MYH15: variants seen among roughly 807,000 people sequenced by gnomAD.
The protein encoded by MYH15 is myosin heavy chain 15, also known as myosin-15.
Under a neutral mutation model 240.5 loss-of-function variants are expected in MYH15, and 227 were observed. That is an observed-to-expected ratio of 0.94 (90% CI 0.85 to 1.05). The LOEUF (loss-of-function observed/expected upper bound fraction) is 1.05. Among genes scored for constraint, MYH15 ranks in the 50% least tolerant of loss-of-function variants. The probability of loss-of-function intolerance (pLI) is 0.00; values close to 1 mark genes in which losing one functional copy is unlikely to be tolerated. For missense variants in MYH15, 2,217 were observed against 2,247.5 expected, an observed-to-expected ratio of 0.99 and a Z score of 0.27; for synonymous variants, 785 against 796.7, an observed-to-expected ratio of 0.99 and a Z score of 0.25.
intron 31 of MYH15, among the ~76,000 whole-genome samples, chr3:108,410,285 C>T (rs2082578545): frequency 6.6e-6 from 1 of 152,036 alleles, no homozygotes. Flanking sequence ...AAACTACACA[C>T]TTGAGTATAG....
intron 2 of MYH15, among the ~76,000 whole-genome samples, chr3:108,505,297 G>T (rs1203180603): frequency 6.6e-6 from 1 of 152,008 alleles, no homozygotes; most frequent in Non-Finnish European, 1.5e-5. Context: ...TTGGTGACAG[G>T]ATCTCACTCT....
chr3:108,465,756 G>T (rs927122042), intron 14 of MYH15, among the ~76,000 whole-genome samples: 6 of 152,028 alleles, frequency 3.9e-5, no homozygotes, highest in African/African-American at 1.4e-4. Flanking sequence ...GTAAAATCCT[G>T]TCTCTAGTAA....
chr3:108,465,382 A>G (rs2083106144), intron 14 of MYH15, among the ~76,000 whole-genome samples: 1 of 152,232 alleles, frequency 6.6e-6, no homozygotes, highest in Non-Finnish European at 1.5e-5. Flanking sequence ...GCTTGACGGA[A>G]CACATTTTAA....
chr3:108,471,644 C>A (rs1422920656), intron 12 of MYH15, among the ~76,000 whole-genome samples: 1 of 152,228 alleles, frequency 6.6e-6, no homozygotes, highest in Non-Finnish European at 1.5e-5. Flanking sequence ...CCTCCTACCC[C>A]CTGTTAGTAA....
chr3:108,438,693 T>C (rs982175934), intron 24 of MYH15, among the ~76,000 whole-genome samples: 2 of 152,186 alleles, frequency 1.3e-5, no homozygotes, highest in African/African-American at 2.4e-5. Flanking sequence ...TCACCCTCCA[T>C]AAACCAGGAA....
At chr3:108,387,262 C>T (rs1385592470) in intron 38 of MYH15, among the ~76,000 whole-genome samples, 2 of 152,202 alleles carry the variant, frequency 1.3e-5, no homozygotes, top group Non-Finnish European at 2.9e-5. Flanking sequence ...ATTGAGATGA[C>T]TCAGCGTTAA....
At chr3:108,427,635 C>CAGAGAGAG (rs1553766067) in intron 27 of MYH15, among the ~76,000 whole-genome samples, 1 of 146,632 alleles carries the variant, frequency 6.8e-6, no homozygotes, top group Non-Finnish European at 1.5e-5. Flanking sequence ...CACACACACA[C>CAGAGAGAG]AGAGAGAGAG....
intron 21 of MYH15, among the ~76,000 whole-genome samples, chr3:108,447,584 A>G (rs74860559): frequency 0.018 from 2,770 of 152,070 alleles, 43 homozygotes; most frequent in Middle Eastern, 0.031. Flanking sequence ...CTAAAAGAAA[A>G]AAAAAAAACT....
rs199891355 is a variant in MYH15 at position 108,444,719 on chromosome 3, T to A, written c.2576A>T (p.Glu859Val). 7 of 1,614,002 alleles carry A rather than the reference T, an allele frequency of 4.3e-6. No individual in the cohort carries two copies. Among genetic ancestry groups the A allele is most frequent in the African/African-American group, 1.3e-5 (1 of 75,032 alleles). The change falls in exon 22 of 41, where the codon GAG becomes GTG. Residue 859 changes from glutamate to valine, a missense_variant. By Grantham distance (121) the Glu-to-Val change is moderately radical (BLOSUM62 -2). Transcript: ENST00000693548. ...AQLQKALEKS[E>V]FQREELKAKQ... is the part of the protein sequence containing the mutation. ...TGCTTTCAGTTCCTCCCTCTGAAAC[T>A]CTGATTTCTCCAAGGCTTTCTGTAA...
intron 35 of MYH15, 118 bp from the exon 36 acceptor site, chr3:108,394,274 G>A (rs1318542711): frequency 1.5e-6 from 2 of 1,311,508 alleles, no homozygotes; most frequent in Non-Finnish European, 2.1e-6. Context: ...TTATTATAGT[G>A]AGCCATAGTC....
chr3:108,385,929 A>G (rs1186861426), intron 38 of MYH15, among the ~76,000 whole-genome samples: 1 of 152,068 alleles, frequency 6.6e-6, no homozygotes, highest in African/African-American at 2.4e-5. Context: ...CCACCACCTT[A>G]AAGTACCATG....
intron 29 of MYH15, among the ~76,000 whole-genome samples, chr3:108,415,103 G>A (rs1015058210): frequency 6.6e-6 from 1 of 152,028 alleles, no homozygotes; most frequent in African/African-American, 2.4e-5. Context: ...TGTAGTAGAG[G>A]CTTCTATATG....
chr3:108,506,805 G>C (rs1448894310), intron 1 of MYH15, among the ~76,000 whole-genome samples: 1 of 152,162 alleles, frequency 6.6e-6, no homozygotes, highest in African/African-American at 2.4e-5. Flanking sequence ...GGCTGAGGCG[G>C]GCAGATCACG....
chr3:108,460,204 C>G, intron 17 of MYH15, 96 bp downstream of exon 17: 1 of 1,119,194 alleles, frequency 8.9e-7, no homozygotes, highest in Non-Finnish European at 1.3e-6. Context: ...GCTCCTGATA[C>G]TTTATCCTTA....
chr3:108,385,596 G>T (rs938246861), intron 38 of MYH15, among the ~76,000 whole-genome samples: 1 of 152,136 alleles, frequency 6.6e-6, no homozygotes, highest in Admixed American at 6.5e-5. Flanking sequence ...CCTTTAACTG[G>T]AATATTTCCA....
intron 22 of MYH15, among the ~76,000 whole-genome samples, chr3:108,442,021 C>T (rs2082888752): frequency 6.6e-6 from 1 of 152,132 alleles, no homozygotes; most frequent in African/African-American, 2.4e-5. Context: ...AACTTTAGAC[C>T]CCTCTAATTT....
chr3:108,542,144 C>T, the MYH15 span, among the ~76,000 whole-genome samples: 115 of 152,204 alleles, frequency 7.6e-4, no homozygotes, highest in South Asian at 0.017. Flanking sequence ...AGTTCTCACA[C>T]TATCTTCACA....
In MYH15 at chr3:108,493,110, T is replaced by A; in HGVS notation, c.775+4A>T. 4 of 1,613,550 alleles carry A rather than the reference T, an allele frequency of 2.5e-6. No homozygotes were observed. Among genetic ancestry groups the A allele is most frequent in the Non-Finnish European group, 3.4e-6 (4 of 1,179,536 alleles). On this transcript the variant is annotated splice_donor_region_variant and intron_variant, in intron 8 of 40. Transcript: ENST00000693548. ...AGTAATCAGACAGTGCAATGACTAC[T>A]TACAGATATCAATGTCCACAGATGA...
At chr3:108,538,622 T>C in the MYH15 span, among the ~76,000 whole-genome samples, 1 of 152,112 alleles carries the variant, frequency 6.6e-6, no homozygotes, top group Non-Finnish European at 1.5e-5. Context: ...CAGAGAGAAA[T>C]GAAAGTCATA....
Sources: allele counts gnomAD v4.1 joint callset (sites outside exome capture counted in the v4.1 genomes callset), GRCh38; gene constraint gnomAD v4.1.1; transcripts MANE v1.5; gene names NCBI Gene and HGNC (gene_info 2026-07-23, HGNC 2026-07-21).